The following MYB variants were observed in gnomAD, a reference collection of about 807,000 sequenced individuals.
MYB encodes the protein transcriptional activator Myb.
MYB carries 28 observed loss-of-function variants against 92.9 expected under a neutral mutation model. The observed-to-expected ratio is 0.30, with a 90% CI of 0.22 to 0.41. MYB has a LOEUF of 0.41. Ranked by LOEUF, MYB falls within the 10% of genes least tolerant of loss-of-function variation. The probability of loss-of-function intolerance (pLI) is 1.00; values close to 1 mark genes in which losing one functional copy is unlikely to be tolerated. For missense variants in MYB, 679 were observed against 929.3 expected, an observed-to-expected ratio of 0.73 and a Z score of 3.50; for synonymous variants, 295 against 329.1, an observed-to-expected ratio of 0.90 and a Z score of 1.12.
chr6:135,208,268 G>A lies in MYB; in HGVS notation c.2169+4944G>A, dbSNP rs1163133631. Among the ~76,000 whole-genome samples, 10 of 151,476 alleles carry A rather than the reference G, an allele frequency of 6.6e-5. 1 individual carries two copies. Among genetic ancestry groups the A allele is most frequent in the African/African-American group, 1.7e-4 (7 of 41,228 alleles). On this transcript the variant is annotated intron_variant, in intron 15 of 15. Transcript: ENST00000341911. ...AATTTTTGGTATTTTTAGTAGGGACGGGGTTTCACCGTGTTAGCCAGGATG... is the reference window on the plus strand; with the variant it reads ...AATTTTTGGTATTTTTAGTAGGGACAGGGTTTCACCGTGTTAGCCAGGATG...
Position 135,198,944 on chromosome 6 carries a change from T to G in MYB, c.1603T>G (p.Leu535Val). Reference protein sequence around the residue: ...NTSSNHENSDLEMPSLTSTPL... With the variant: ...NTSSNHENSDVEMPSLTSTPL... Reference sequence around the variant, plus strand: ...TTCCAGTAACCATGAAAACTCAGACTTGGAAATGCCTTCTTTAACTTCCAC... The same window carrying G: ...TTCCAGTAACCATGAAAACTCAGACGTGGAAATGCCTTCTTTAACTTCCAC... Residue 535 changes from leucine (L) to valine (V), a missense_variant, in exon 11 of 16, where the codon TTG becomes GTG. Around this residue, in one of 8 missense-constraint regions of MYB, gnomAD observed 402 missense variants for 434.2 expected, o/e 0.93. Transcript: ENST00000341911. The G allele has an allele frequency of 6.2e-7, 1 of 1,611,360 alleles. No individual in the cohort carries two copies. The highest frequency in any genetic ancestry group is 8.5e-7 in the Non-Finnish European group (1 of 1,177,764).
chr6:135,203,450 A>G (rs1303993740), intron 15 of MYB, 126 bp downstream of exon 15: 5 of 742,492 alleles, frequency 6.7e-6, no homozygotes, highest in African/African-American at 3.5e-5. Flanking sequence ...CATTTTAGAC[A>G]TAGGGGAGTA....
intron 1 of MYB, 77 bp from the exon 2 acceptor site, chr6:135,185,826 T>C (rs1225416150): frequency 2.6e-6 from 3 of 1,136,972 alleles, no homozygotes; most frequent in African/African-American, 3.1e-5. Flanking sequence ...TTGAGGAGTT[T>C]TGTGTAAGTT....
chr6:135,197,080 T>C lies in MYB; in HGVS notation c.1323T>C (p.Thr441=), dbSNP rs1482754619. 2 of 1,614,034 alleles carry C rather than the reference T, an allele frequency of 1.2e-6. No individual in the cohort carries two copies. The highest frequency in any genetic ancestry group is 2.2e-5 in the South Asian group (2 of 91,090). The change falls in exon 10 of 16, where the codon ACT becomes ACC. Residue 441 remains threonine, a synonymous_variant. Transcript: ENST00000341911. ...LQLQQREGNG[T]KPAGEPSPRV... is the part of the protein sequence containing the mutation. ...TTCAGCAAAGAGAGGGCAATGGGAC[T>C]AAACCTGCAGGAGAACCTAGCCCAA...
At chr6:135,183,237 C>T (rs1775397992) in intron 1 of MYB, among the ~76,000 whole-genome samples, 1 of 152,008 alleles carries the variant, frequency 6.6e-6, no homozygotes, top group Non-Finnish European at 1.5e-5. Context: ...CGACTGCGGG[C>T]TCGGAGCCGT....
chr6:135,212,224 C>CTTTTTTTTTTTTTTTTTTTTTTTT (rs545704827), intron 15 of MYB, among the ~76,000 whole-genome samples: 4 of 32,882 alleles, frequency 1.2e-4, no homozygotes, highest in Admixed American at 6.0e-4. Context: ...TTTGGTTTTA[C>CTTTTTTTTTTTTTTTTTTTTTTTT]TTTTTTTTTT....
chr6:135,216,113 CAGG>C (rs1213675458), intron 15 of MYB, among the ~76,000 whole-genome samples: 9 of 152,086 alleles, frequency 5.9e-5, no homozygotes, highest in African/African-American at 2.2e-4. Flanking sequence ...CAGAGTCAAG[CAGG>C]AGGTTACATC....
intron 15 of MYB, among the ~76,000 whole-genome samples, chr6:135,214,875 T>A (rs1780222860): frequency 6.6e-6 from 1 of 152,230 alleles, no homozygotes; most frequent in Non-Finnish European, 1.5e-5. Context: ...TCAGAACTAT[T>A]TCAAATACTG....
At chr6:135,201,888 T>C in intron 14 of MYB, 139 bp downstream of exon 14, 1 of 427,304 alleles carries the variant, frequency 2.3e-6, no homozygotes, top group East Asian at 3.5e-5. Context: ...CTGCACATGA[T>C]TTTTAAAAAA....
chr6:135,183,432 G>T (rs1353065409), intron 1 of MYB, among the ~76,000 whole-genome samples: 1 of 152,140 alleles, frequency 6.6e-6, no homozygotes, highest in Non-Finnish European at 1.5e-5. Context: ...TTGACAGAAT[G>T]TAACATTCAT....
intron 1 of MYB, among the ~76,000 whole-genome samples, chr6:135,183,933 G>C (rs1378593121): frequency 6.6e-6 from 1 of 152,206 alleles, no homozygotes; most frequent in East Asian, 1.9e-4. Context: ...GAGAGGAAGT[G>C]ATTTGTCCAA....
intron 10 of MYB, among the ~76,000 whole-genome samples, chr6:135,198,456 T>G (rs1777632609): frequency 6.6e-6 from 1 of 152,236 alleles, no homozygotes; most frequent in Admixed American, 6.5e-5. Context: ...GAGACACAGT[T>G]TATTATTCAA....
chr6:135,181,441 GC>G lies in MYB; in HGVS notation c.-72del. On this transcript the variant is annotated 5_prime_UTR_variant, in exon 1 of 16. Transcript: ENST00000341911. The surrounding 1 kb of genome is among the most constrained non-coding windows in gnomAD (Gnocchi z 5.3). ...CGCAGCCGGGGAGGGACGCAGGCAGGCGGCGGGCAGCGGGAGGCGGCAGCCC... is the reference window on the plus strand; with the variant it reads ...CGCAGCCGGGGAGGGACGCAGGCAGGGGCGGGCAGCGGGAGGCGGCAGCCC... 1 of 1,051,172 alleles carries G rather than the reference GC, an allele frequency of 9.5e-7. No homozygotes were observed. The highest frequency in any genetic ancestry group is 1.2e-6 in the Non-Finnish European group (1 of 855,326). The allele number at this position is 1,051,172 out of a possible 1,614,324, so 65.1% of individuals were successfully genotyped here.
Position 135,181,463 on chromosome 6 carries a change from A to G in MYB, c.-51A>G. The G allele has an allele frequency of 9.0e-7, 1 of 1,106,728 alleles. No homozygotes were observed. The highest frequency in any genetic ancestry group is 1.1e-6 in the Non-Finnish European group (1 of 905,964). The allele number at this position is 1,106,728 out of a possible 1,614,324, so 68.6% of individuals were successfully genotyped here. On this transcript the variant is annotated 5_prime_UTR_variant, in exon 1 of 16. Transcript: ENST00000341911. The surrounding 1 kb of genome is among the most constrained non-coding windows in gnomAD (Gnocchi z 5.3). Reference sequence around the variant, plus strand: ...CAGGCGGCGGGCAGCGGGAGGCGGCAGCCCGGTGCGGTCCCCGCGGCTCTC... The same window carrying G: ...CAGGCGGCGGGCAGCGGGAGGCGGCGGCCCGGTGCGGTCCCCGCGGCTCTC...
At chr6:135,189,566 G>GT (rs1776377202) in intron 3 of MYB, among the ~76,000 whole-genome samples, 1 of 152,198 alleles carries the variant, frequency 6.6e-6, no homozygotes, top group African/African-American at 2.4e-5. Context: ...TGGCAGGAAT[G>GT]TTTCCCTCAG....
At chr6:135,213,934 G>A (rs189063804) in intron 15 of MYB, among the ~76,000 whole-genome samples, 1 of 152,168 alleles carries the variant, frequency 6.6e-6, no homozygotes, top group Non-Finnish European at 1.5e-5. Context: ...GTAATAGCAA[G>A]CATAAGATTG....
chr6:135,187,368 T>C (rs982771174), intron 2 of MYB, among the ~76,000 whole-genome samples: 2 of 152,170 alleles, frequency 1.3e-5, no homozygotes, highest in Non-Finnish European at 2.9e-5. Flanking sequence ...TTACCATAGG[T>C]AAATGTGTAC....
rs1331186027 is a variant in MYB at position 135,181,342 on chromosome 6, TCTC to T, written c.-161_-159del. 1.6e-4 allele frequency: 35 copies of T among 215,932 alleles called. No homozygotes were observed. The highest frequency in any genetic ancestry group is 1.2e-3 in the South Asian group (9 of 7,318). 13.4% of individuals were successfully genotyped at this position (215,932 alleles called of 1,614,324 possible). A position where few individuals can be genotyped will look rare whatever the true frequency, so the allele number is the denominator to read the frequency against. On this transcript the variant is annotated 5_prime_UTR_variant, in exon 1 of 16. Coordinates refer to ENST00000341911, the MANE Select transcript of MYB (RefSeq NM_001130173.2). The surrounding 1 kb of genome is among the most constrained non-coding windows in gnomAD (Gnocchi z 5.3). Reference sequence around the variant, plus strand: ...TATCAACCTGTTTCCTCCTCCTCCTTCTCCTCCTCCTCCGTGACCTCCTCCTCC... The same window carrying T: ...TATCAACCTGTTTCCTCCTCCTCCTTCTCCTCCTCCGTGACCTCCTCCTCC...
intron 15 of MYB, among the ~76,000 whole-genome samples, chr6:135,217,427 A>T (rs1780608504): frequency 6.6e-6 from 1 of 152,170 alleles, no homozygotes; most frequent in African/African-American, 2.4e-5. Flanking sequence ...GTAATTGATG[A>T]AAACATATAT....
Sources: gnomAD v4.1 joint callset for allele counts (sites outside exome capture counted in the v4.1 genomes callset) on GRCh38, gnomAD v4.1.1 for gene constraint, gnomAD v4.1.1 regional missense constraint, Gnocchi (gnomAD v3.1) non-coding constraint, MANE v1.5 for transcripts, NCBI Gene and HGNC (gene_info 2026-07-23, HGNC 2026-07-21) for gene names.